Variants in TBC1D19 observed in about 807,000 individuals in gnomAD.
TBC1D19 encodes the protein TBC1 domain family member 19.
In TBC1D19, 60 loss-of-function variants were observed where a neutral mutation model predicts 89.0. The observed-to-expected ratio is 0.67, with a 90% CI of 0.55 to 0.84. TBC1D19 has a LOEUF of 0.84. TBC1D19 is among the 40% of genes least tolerant of loss of function. TBC1D19 has a pLI of 0.00. For synonymous variants in TBC1D19, 189 were observed against 199.7 expected, an observed-to-expected ratio of 0.95 and a Z score of 0.45; for missense variants, 500 against 610.8, an observed-to-expected ratio of 0.82 and a Z score of 1.91.
At chr4:26,598,417 C>T (rs772858811) in intron 1 of TBC1D19, among the ~76,000 whole-genome samples, 6 of 151,458 alleles carry the variant, frequency 4.0e-5, no homozygotes, top group Admixed American at 2.0e-4. Flanking sequence ...TTTCTTGAGA[C>T]GGAGTCTTGC....
chr4:26,662,951 G>A lies in TBC1D19; in HGVS notation c.591+3244G>A, dbSNP rs561565879. The A allele has an allele frequency of 1.2e-4, 19 of 152,260 alleles. No homozygotes were observed. In the East Asian group the frequency reaches 3.7e-3, roughly 29 times the overall value. The allele number at this position is 152,260 out of a possible 1,614,324, so 9.4% of individuals were successfully genotyped here. Reference sequence around the variant, plus strand: ...AAAACAGGATCCCAACCAAAGAGAAGGAGAGTTTCCCAGAAATGATAGTAA... The same window carrying A: ...AAAACAGGATCCCAACCAAAGAGAAAGAGAGTTTCCCAGAAATGATAGTAA... On this transcript the variant is annotated intron_variant, in intron 8 of 20. Coordinates refer to ENST00000264866, the MANE Select transcript of TBC1D19 (RefSeq NM_018317.4).
downstream of TBC1D19, among the ~76,000 whole-genome samples, chr4:26,760,599 G>C (rs982326523): frequency 6.6e-5 from 10 of 151,930 alleles, no homozygotes; most frequent in Admixed American, 1.3e-4. Context: ...GTTGTAAGGA[G>C]TCTTTATTCT....
chr4:26,747,166 C>T (rs1392110333), intron 18 of TBC1D19, among the ~76,000 whole-genome samples: 1 of 152,072 alleles, frequency 6.6e-6, no homozygotes, highest in Non-Finnish European at 1.5e-5. Context: ...AATTATAGCA[C>T]AATAAGCTTT....
intron 15 of TBC1D19, among the ~76,000 whole-genome samples, chr4:26,720,548 G>A (rs919543478): frequency 6.6e-6 from 1 of 151,976 alleles, no homozygotes; most frequent in African/African-American, 2.4e-5. Flanking sequence ...TTATTAAAAG[G>A]TATCACTGAA....
At chr4:26,788,189 G>A in the TBC1D19 span, among the ~76,000 whole-genome samples, 17 of 152,160 alleles carry the variant, frequency 1.1e-4, no homozygotes, top group African/African-American at 3.6e-4. Context: ...TCAGGGGAGG[G>A]GCTGTGCTTT....
intron 13 of TBC1D19, among the ~76,000 whole-genome samples, chr4:26,690,569 C>G (rs527635121): frequency 6.6e-6 from 1 of 152,250 alleles, no homozygotes; most frequent in Non-Finnish European, 1.5e-5. Context: ...TTCAAAAATC[C>G]TTGGGCCCTT....
At chr4:26,676,416 C>T (rs1194151227) in intron 11 of TBC1D19, among the ~76,000 whole-genome samples, 1 of 152,170 alleles carries the variant, frequency 6.6e-6, no homozygotes, top group African/African-American at 2.4e-5. Flanking sequence ...ACTACTTTTA[C>T]TTAAATGGAA....
chr4:26,732,385 A>C (rs1421887839), intron 15 of TBC1D19, among the ~76,000 whole-genome samples: 1 of 152,038 alleles, frequency 6.6e-6, no homozygotes, highest in Non-Finnish European at 1.5e-5. Flanking sequence ...CCTTCCCTCC[A>C]TTATTTTTCT....
chr4:26,793,947 T>G, the TBC1D19 span, among the ~76,000 whole-genome samples: 3 of 152,158 alleles, frequency 2.0e-5, no homozygotes, highest in Non-Finnish European at 4.4e-5. Flanking sequence ...TGGTCCATCT[T>G]GGGTCATGTG....
the TBC1D19 span, among the ~76,000 whole-genome samples, chr4:26,805,516 ATCT>A: frequency 6.6e-6 from 1 of 151,896 alleles, no homozygotes; most frequent in South Asian, 2.1e-4. Flanking sequence ...CATCCTTCCC[ATCT>A]TCTTCAGGGT....
chr4:26,651,181 A>G (rs1341251958), intron 7 of TBC1D19, among the ~76,000 whole-genome samples: 4 of 152,086 alleles, frequency 2.6e-5, no homozygotes, highest in Non-Finnish European at 4.4e-5. Flanking sequence ...TTGGCTTAGT[A>G]TTGTCTTGGC....
chr4:26,664,745 C>T (rs997239657), intron 8 of TBC1D19, among the ~76,000 whole-genome samples: 1 of 151,766 alleles, frequency 6.6e-6, no homozygotes, highest in Admixed American at 6.6e-5. Context: ...GGGTTTATAT[C>T]CCGATCATTG....
the TBC1D19 span, among the ~76,000 whole-genome samples, chr4:26,851,327 A>ATCTG: frequency 1.7e-4 from 20 of 118,904 alleles, no homozygotes; most frequent in African/African-American, 5.8e-4. Context: ...CTATCTATCT[A>ATCTG]TCTATCTATC....
the TBC1D19 span, among the ~76,000 whole-genome samples, chr4:26,854,726 CTTT>C: frequency 0.64 from 80,115 of 125,900 alleles, 25,378 homozygotes; most frequent in Middle Eastern, 0.76. Context: ...AATCTCCAGC[CTTT>C]TTTTTTTTTT....
At chr4:26,580,061 G>A (rs536389814), upstream of TBC1D19, among the ~76,000 whole-genome samples, 34 of 152,276 alleles carry the variant, frequency 2.2e-4, no homozygotes, top group African/African-American at 8.2e-4. Flanking sequence ...TCTCCTGTAA[G>A]TTTTCCCTTT....
chr4:26,732,590 G>A (rs1717733838), intron 15 of TBC1D19, among the ~76,000 whole-genome samples: 1 of 152,150 alleles, frequency 6.6e-6, no homozygotes, highest in Non-Finnish European at 1.5e-5. Context: ...AGCAGGGTTT[G>A]GCAGACTTTT....
the TBC1D19 span, among the ~76,000 whole-genome samples, chr4:26,833,327 A>C: frequency 6.6e-6 from 1 of 152,180 alleles, no homozygotes; most frequent in Non-Finnish European, 1.5e-5. Context: ...AGCTTTATTG[A>C]GGTATAATTT....
chr4:26,740,077 T>A, intron 17 of TBC1D19, 104 bp downstream of exon 17: 2 of 593,462 alleles, frequency 3.4e-6, no homozygotes, highest in Non-Finnish European at 5.4e-6. Context: ...CAACAAATTT[T>A]AATTTGTGAT....
chr4:26,732,528 A>G (rs1389136362), intron 15 of TBC1D19, among the ~76,000 whole-genome samples: 2 of 152,216 alleles, frequency 1.3e-5, no homozygotes, highest in African/African-American at 4.8e-5. Flanking sequence ...TGTGTGTGGA[A>G]TGATGCATGT....
Sources: allele counts gnomAD v4.1 joint callset (sites outside exome capture counted in the v4.1 genomes callset), GRCh38; gene constraint gnomAD v4.1.1; transcripts MANE v1.5; gene names NCBI Gene and HGNC (gene_info 2026-07-23, HGNC 2026-07-21).